The following HECTD2 variants were observed in gnomAD, a reference collection of about 807,000 sequenced individuals.
HECTD2 encodes the protein probable E3 ubiquitin-protein ligase HECTD2.
In HECTD2, 35 loss-of-function variants were observed where a neutral mutation model predicts 103.2. That is an observed-to-expected ratio of 0.34 (90% CI 0.26 to 0.45). The LOEUF (loss-of-function observed/expected upper bound fraction) is 0.45. Among genes scored for constraint, HECTD2 ranks in the 20% least tolerant of loss-of-function variants. The pLI is 1.00. For synonymous variants in HECTD2, 281 were observed against 329.9 expected (o/e 0.85, Z 1.61); for missense variants, 596 against 937.4 (o/e 0.64, Z 4.76).
rs192111524 is a variant in HECTD2, at chr10:91,440,321, G to C, written c.268+14911G>C. Reference sequence around the variant, plus strand: ...AATTTTATTGAAGGACTTTTCGGTAGTTATTGAGAAAATTGTGTGGTTTTT... The same window carrying C: ...AATTTTATTGAAGGACTTTTCGGTACTTATTGAGAAAATTGTGTGGTTTTT... On this transcript the variant is annotated intron_variant, in intron 2 of 20. Transcript: ENST00000298068. Among the ~76,000 whole-genome samples, 132 of 152,186 alleles carry C rather than the reference G, an allele frequency of 8.7e-4. 2 individuals carry two copies. The highest frequency in any genetic ancestry group is 3.0e-3 in the African/African-American group (126 of 41,566).
At chr10:91,457,101 C>G (rs576558470) in intron 2 of HECTD2, among the ~76,000 whole-genome samples, 8 of 152,176 alleles carry the variant, frequency 5.3e-5, no homozygotes, top group African/African-American at 1.9e-4. Context: ...AAAACAAAAG[C>G]TATTGCAGCT....
intron 5 of HECTD2, chr10:91,462,817 T>C: frequency 1.0e-6 from 1 of 953,006 alleles, no homozygotes. Flanking sequence ...ATAGATCAAT[T>C]TGTGAAAAAT....
Position 91,478,258 on chromosome 10 carries a change from T to C in HECTD2, c.658T>C (p.Trp220Arg). ...KGIINSLLRE[W>R]KGPRTKDDLR... ...AATCATTAACAGCCTGTTACGAGAA[T>C]GGAAAGGGTAAACTAATATTTTCAA... Residue 220 changes from tryptophan (W) to arginine (R), a missense_variant, in exon 6 of 21, where the codon TGG (tryptophan) becomes CGG (arginine). By Grantham distance (101) the Trp-to-Arg change is moderately radical (BLOSUM62 -3). This residue lies in a region of HECTD2 where 303 missense variants were observed against 522.5 expected (regional missense o/e 0.58). Coordinates refer to ENST00000298068, the MANE Select transcript of HECTD2 (RefSeq NM_182765.6). 6.3e-7 allele frequency: 1 copy of C among 1,595,094 alleles called. No individual in the cohort carries two copies. The highest frequency in any genetic ancestry group is 8.6e-7 in the Non-Finnish European group (1 of 1,162,984).
intron 20 of HECTD2, among the ~76,000 whole-genome samples, chr10:91,507,758 T>C (rs1847249094): frequency 1.5e-5 from 2 of 134,578 alleles, no homozygotes; most frequent in South Asian, 2.5e-4. Context: ...CTTCACAGAA[T>C]TGGAAAAAAC....
intron 1 of HECTD2, among the ~76,000 whole-genome samples, chr10:91,421,252 T>C (rs1031857804): frequency 1.3e-5 from 2 of 152,204 alleles, no homozygotes; most frequent in Non-Finnish European, 2.9e-5. Flanking sequence ...TTTAACATTA[T>C]TGACCTTTTT....
intron 20 of HECTD2, among the ~76,000 whole-genome samples, chr10:91,509,130 G>C (rs1450834165): frequency 1.7e-5 from 2 of 120,436 alleles, no homozygotes; most frequent in Non-Finnish European, 3.4e-5. Flanking sequence ...GTTGTGGGGT[G>C]GGGGGAGGGG....
chr10:91,450,162 G>C (rs1374627206), intron 2 of HECTD2, among the ~76,000 whole-genome samples: 1 of 152,058 alleles, frequency 6.6e-6, no homozygotes, highest in Non-Finnish European at 1.5e-5. Context: ...GCACAGTACT[G>C]GTACCAAAAC....
chr10:91,479,456 A>G (rs1277717593), intron 6 of HECTD2, among the ~76,000 whole-genome samples: 4 of 152,174 alleles, frequency 2.6e-5, no homozygotes, highest in African/African-American at 4.8e-5. Context: ...CATACTGTAT[A>G]GTTTCATGTG....
chr10:91,410,554 C>A lies in HECTD2; in HGVS notation c.116C>A (p.Ser39Ter), dbSNP rs1218752971. The change falls in exon 1 of 21, where the codon TCG becomes TAG. Residue 39 changes from serine (S) to a stop codon, truncating the protein, a stop_gained. Transcript: ENST00000298068. LOFTEE classifies it high-confidence loss of function. ...CGCGAGAAGCTGCCGCCCATCGTATCGGCGGGCGCCGGCGCGACCGCGGTA... is the reference window on the plus strand; with the variant it reads ...CGCGAGAAGCTGCCGCCCATCGTATAGGCGGGCGCCGGCGCGACCGCGGTA... ...SEREKLPPIVSAGAGATAGLD... is the reference protein window; with the variant it reads ...SEREKLPPIV 6 of 1,439,308 alleles carry A rather than the reference C, an allele frequency of 4.2e-6. No homozygotes were observed. Among genetic ancestry groups the A allele is most frequent in the South Asian group, 1.4e-5 (1 of 72,416 alleles). The allele number at this position is 1,439,308 out of a possible 1,614,324, so 89.2% of individuals were successfully genotyped here.
At chr10:91,501,163 G>T (rs753159211) in intron 19 of HECTD2, 28 bp from the exon 20 acceptor site, 1 of 1,592,330 alleles carries the variant, frequency 6.3e-7, no homozygotes, top group South Asian at 1.1e-5. Flanking sequence ...CAAGACATTT[G>T]ATGTTAATTT....
chr10:91,491,674 A>T (rs1365779956), intron 12 of HECTD2, among the ~76,000 whole-genome samples: 1 of 152,164 alleles, frequency 6.6e-6, no homozygotes, highest in African/African-American at 2.4e-5. Flanking sequence ...TCCAGGTCTC[A>T]GACTACACAT....
chr10:91,491,785 C>T (rs1846489761), intron 12 of HECTD2, among the ~76,000 whole-genome samples: 1 of 152,150 alleles, frequency 6.6e-6, no homozygotes, highest in Non-Finnish European at 1.5e-5. Flanking sequence ...AATGCTTCAG[C>T]TAGATCTTAA....
chr10:91,460,659 T>C, intron 3 of HECTD2, 94 bp downstream of exon 3: 1 of 1,309,706 alleles, frequency 7.6e-7, no homozygotes, highest in Non-Finnish European at 1.0e-6. Flanking sequence ...AACTTTTGGA[T>C]CACTATAAGA....
rs1444507873 is a variant in HECTD2, at chr10:91,507,645, T to C, written c.2211-4619T>C. Among the ~76,000 whole-genome samples the C allele has an allele frequency of 2.2e-4, 33 of 148,334 alleles. 1 individual carries two copies. The highest frequency in any genetic ancestry group is 8.0e-4 in the African/African-American group (32 of 39,912). ...GAGGATACAAACAAATGGAAGAACATTCCATGCTCATGGGTAGGAAGAATC... is the reference window on the plus strand; with the variant it reads ...GAGGATACAAACAAATGGAAGAACACTCCATGCTCATGGGTAGGAAGAATC... On this transcript the variant is annotated intron_variant, in intron 20 of 20. Transcript: ENST00000298068.
intron 20 of HECTD2, among the ~76,000 whole-genome samples, chr10:91,510,280 T>C (rs1456729063): frequency 6.6e-6 from 1 of 152,198 alleles, no homozygotes; most frequent in Non-Finnish European, 1.5e-5. Flanking sequence ...ATGGCCAAGA[T>C]TGCAAAGCAA....
chr10:91,427,994 GT>G (rs1843648059), intron 2 of HECTD2, among the ~76,000 whole-genome samples: 1 of 151,906 alleles, frequency 6.6e-6, no homozygotes, highest in South Asian at 2.1e-4. Context: ...TTCTTCTAGG[GT>G]TTTTATGGTT....
At chr10:91,504,003 T>C (rs548240707) in intron 20 of HECTD2, among the ~76,000 whole-genome samples, 118 of 152,116 alleles carry the variant, frequency 7.8e-4, no homozygotes, top group African/African-American at 2.7e-3. Context: ...GGAGGCACCC[T>C]CCAGCAGGGG....
intron 8 of HECTD2, among the ~76,000 whole-genome samples, chr10:91,483,851 T>C (rs1846177620): frequency 6.6e-6 from 1 of 151,948 alleles, no homozygotes; most frequent in African/African-American, 2.4e-5. Flanking sequence ...TTCATTATCA[T>C]TGAACTCACG....
At chr10:91,511,567 AG>A (rs1847419824) in intron 20 of HECTD2, among the ~76,000 whole-genome samples, 2 of 152,082 alleles carry the variant, frequency 1.3e-5, no homozygotes, top group South Asian at 2.1e-4. Context: ...GAGTGGGGAG[AG>A]TGGGAGGTGG....
Sources: gnomAD v4.1 joint callset for allele counts (sites outside exome capture counted in the v4.1 genomes callset) on GRCh38, gnomAD v4.1.1 for gene constraint, gnomAD v4.1.1 regional missense constraint, MANE v1.5 for transcripts, NCBI Gene and HGNC (gene_info 2026-07-23, HGNC 2026-07-21) for gene names.